Variants in TNPO1 observed in about 807,000 individuals in gnomAD.
The protein encoded by TNPO1 is transportin 1.
In TNPO1, 8 loss-of-function variants were observed where a neutral mutation model predicts 119.5. The ratio of observed to expected loss-of-function variants is 0.07; its 90% CI spans 0.04 to 0.12. The LOEUF is 0.12. TNPO1 is among the 10% of genes least tolerant of loss of function. The pLI is 1.00. For missense variants in TNPO1, 576 were observed against 1,089.8 expected (o/e 0.53, Z 6.64); for synonymous variants, 362 against 363.0 (o/e 1.00, Z 0.03).
chr5:72,852,323 A>G lies in TNPO1; in HGVS notation c.205+1004A>G, dbSNP rs114923454. On this transcript the variant is annotated intron_variant, in intron 3 of 24. Coordinates refer to ENST00000337273, the MANE Select transcript of TNPO1 (RefSeq NM_002270.4). The stretch of plus-strand genomic sequence containing the variant: ...ACTAGACATTATTTCATAAATATTT[A>G]TGGAGCGCCATCTCTGCCATGCAAT... Among the ~76,000 whole-genome samples the G allele has an allele frequency of 4.5e-3, 685 of 152,316 alleles. 3 individuals are homozygous for G. Among genetic ancestry groups the G allele is most frequent in the African/African-American group, 0.016 (652 of 41,562 alleles).
At chr5:72,892,552 C>T (rs966931247) in intron 15 of TNPO1, among the ~76,000 whole-genome samples, 4 of 152,190 alleles carry the variant, frequency 2.6e-5, no homozygotes, top group East Asian at 3.9e-4. Context: ...TGTATGCAGT[C>T]GTCCCTCAGT....
chr5:72,861,938 A>G, intron 5 of TNPO1, 24 bp downstream of exon 5: 2 of 1,557,052 alleles, frequency 1.3e-6, no homozygotes, highest in Non-Finnish European at 1.8e-6. Flanking sequence ...TTTCATACAT[A>G]ATTGGGTGTT....
In TNPO1 at chr5:72,905,385, G is replaced by A; in HGVS notation, c.2672G>A (p.Arg891His). The change falls in exon 24 of 25, where the codon CGT becomes CAT. Residue 891 changes from arginine to histidine, a missense_variant. Physicochemically the swap from Arg to His is conservative, Grantham distance 29 (BLOSUM62 0). Coordinates refer to ENST00000337273, the MANE Select transcript of TNPO1 (RefSeq NM_002270.4). ...CAGTTTCCTCTTCCCTTAAAAGAGC[G>A]TCTTGCAGCTTTTTATGGTGTTTAA... Reference protein sequence around the residue: ...SDQFPLPLKERLAAFYGV With the variant: ...SDQFPLPLKEHLAAFYGV 2.5e-6 allele frequency: 4 copies of A among 1,611,592 alleles called. No individual in the cohort carries two copies. Among genetic ancestry groups the A allele is most frequent in the Non-Finnish European group, 2.5e-6 (3 of 1,179,386 alleles).
At chr5:72,876,067 A>G (rs1747744378) in intron 8 of TNPO1, among the ~76,000 whole-genome samples, 1 of 152,198 alleles carries the variant, frequency 6.6e-6, no homozygotes, top group African/African-American at 2.4e-5. Flanking sequence ...CTCCTGTTCT[A>G]AAACTTTACA....
Position 72,823,557 on chromosome 5 carries a change from A to C in TNPO1, c.15+6805A>C, listed in dbSNP as rs74665224. 4.0e-3 allele frequency among the ~76,000 whole-genome samples: 608 copies of C among 152,156 alleles called. 5 individuals carry two copies. Among genetic ancestry groups the C allele is most frequent in the African/African-American group, 0.014 (590 of 41,514 alleles). ...TCAGCCCTAACCATCTTCTGACCCC[A>C]ATGGAATCTCCAACCCATTGATCCT... On this transcript the variant is annotated intron_variant, in intron 1 of 24. Transcript: ENST00000337273.
chr5:72,872,496 A>T (rs1747477544), intron 6 of TNPO1, 143 bp from the exon 7 acceptor site: 1 of 545,670 alleles, frequency 1.8e-6, no homozygotes, highest in Non-Finnish European at 3.2e-6. Flanking sequence ...TTCCTTGTTG[A>T]TACAGAAGTT....
chr5:72,898,063 A>G (rs908495130), intron 20 of TNPO1, among the ~76,000 whole-genome samples: 1 of 152,104 alleles, frequency 6.6e-6, no homozygotes, highest in South Asian at 2.1e-4. Context: ...GTTTGGCTGT[A>G]TGGGTACTGT....
intron 6 of TNPO1, among the ~76,000 whole-genome samples, chr5:72,871,039 G>A (rs887980846): frequency 2.0e-5 from 3 of 151,954 alleles, no homozygotes; most frequent in African/African-American, 7.3e-5. Context: ...GCGCGATCTC[G>A]GCTCACTGCA....
In TNPO1 at chr5:72,848,274, T is replaced by A. The variant is rs1006274280; in HGVS notation, c.16-111T>A. ...CAGGTCCGCGGCGTTTGGGGAGCGC[T>A]GGGGTTGTGGTGGCGGGGAGAACGG... is the stretch of plus-strand genomic sequence containing the variant. On this transcript the variant is annotated intron_variant, in intron 1 of 24. Transcript: ENST00000337273. 6.0e-6 allele frequency: 8 copies of A among 1,327,290 alleles called. No individual in the cohort carries two copies. The African/African-American group carries it at 1.2e-4, about 20-fold the overall frequency. 82.2% of individuals were successfully genotyped at this position (1,327,290 alleles called of 1,614,324 possible).
intron 1 of TNPO1, among the ~76,000 whole-genome samples, chr5:72,827,782 T>C (rs1228346653): frequency 6.6e-6 from 1 of 151,910 alleles, no homozygotes; most frequent in Non-Finnish European, 1.5e-5. Flanking sequence ...TAGCTGGGCA[T>C]GGTGGCATGT....
chr5:72,875,567 G>C (rs1747700120), intron 7 of TNPO1, 48 bp from the exon 8 acceptor site: 5 of 1,574,622 alleles, frequency 3.2e-6, no homozygotes, highest in South Asian at 1.2e-5. Context: ...CTTATTACTT[G>C]TGTGTAAGCC....
intron 2 of TNPO1, among the ~76,000 whole-genome samples, chr5:72,850,665 C>T (rs1745476155): frequency 6.6e-6 from 1 of 152,152 alleles, no homozygotes; most frequent in African/African-American, 2.4e-5. Context: ...AATGTTGCAT[C>T]TTGGGGATGA....
chr5:72,879,131 G>T, intron 9 of TNPO1: 1 of 203,472 alleles, frequency 4.9e-6, no homozygotes, highest in South Asian at 8.9e-5. Flanking sequence ...CTTTGGTTCT[G>T]GAGACCCTGC....
intron 24 of TNPO1, 92 bp downstream of exon 24, chr5:72,905,537 G>C (rs1750082505): frequency 1.7e-6 from 1 of 596,798 alleles, no homozygotes; most frequent in South Asian, 2.3e-5. Flanking sequence ...AAAGCTATTT[G>C]TTTTCTATAG....
Position 72,912,506 on chromosome 5 carries a change from T to A in TNPO1, c.*3833T>A, listed in dbSNP as rs1214521909. 6.6e-6 allele frequency: 1 copy of A among 152,452 alleles called. No homozygotes were observed. Among genetic ancestry groups the A allele is most frequent in the African/African-American group, 2.4e-5 (1 of 41,434 alleles). 9.4% of individuals were successfully genotyped at this position (152,452 alleles called of 1,614,324 possible). The stretch of plus-strand genomic sequence containing the variant: ...GCTTTGGTGACATGCTTATAAAGGG[T>A]CATCCTAGTTACATTCTTTGTTTTT... On this transcript the variant is annotated 3_prime_UTR_variant, in exon 25 of 25. Transcript: ENST00000337273.
chr5:72,883,040 A>C (rs752566709), intron 10 of TNPO1, 24 bp from the exon 11 acceptor site: 1 of 1,594,426 alleles, frequency 6.3e-7, no homozygotes, highest in South Asian at 1.1e-5. Flanking sequence ...ATGCCACCAA[A>C]AATTTCTCTT....
intron 14 of TNPO1, among the ~76,000 whole-genome samples, chr5:72,890,244 T>C (rs914141231): frequency 6.6e-6 from 1 of 152,246 alleles, no homozygotes; most frequent in Non-Finnish European, 1.5e-5. Context: ...ATAATCTGGA[T>C]ATCTGCTTTT....
intron 18 of TNPO1, 122 bp downstream of exon 18, chr5:72,893,825 T>C: frequency 1.1e-6 from 1 of 922,094 alleles, no homozygotes. Context: ...GTACACTTTA[T>C]TGGTTAAAGT....
chr5:72,883,384 G>T, intron 11 of TNPO1, 152 bp downstream of exon 11: 4 of 612,572 alleles, frequency 6.5e-6, no homozygotes. Context: ...ACCACAATCA[G>T]TTGTAGACTA....
Sources: gnomAD v4.1 joint callset for allele counts (sites outside exome capture counted in the v4.1 genomes callset) on GRCh38, gnomAD v4.1.1 for gene constraint, MANE v1.5 for transcripts, NCBI Gene and HGNC (gene_info 2026-07-23, HGNC 2026-07-21) for gene names.